The following THADA variants were observed in gnomAD, a reference collection of about 807,000 sequenced individuals.
The protein encoded by THADA is tRNA (32-2'-O)-methyltransferase regulator THADA.
THADA carries 213 observed loss-of-function variants against 219.8 expected under a neutral mutation model. The ratio of observed to expected loss-of-function variants is 0.97; its 90% CI spans 0.87 to 1.09. The LOEUF is 1.09. THADA is among the 50% of genes least tolerant of loss of function. The probability of loss-of-function intolerance (pLI) is 0.00; values close to 1 mark genes in which losing one functional copy is unlikely to be tolerated. For synonymous variants in THADA, 1,018 were observed against 828.9 expected, an observed-to-expected ratio of 1.23 and a Z score of -3.92; for missense variants, 2,956 against 2,311.3, an observed-to-expected ratio of 1.28 and a Z score of -5.72.
chr2:43,586,834 C>A lies in THADA; in HGVS notation c.451+20G>T. ...TGAGAGGGGTTAGCCAGAAAAAGGA[C>A]TAGAAAAGTGCAGCCTTACCCAAGT... On this transcript the variant is annotated intron_variant, in intron 5 of 37. Transcript: ENST00000405975. 1 of 1,612,450 alleles carries A rather than the reference C, an allele frequency of 6.2e-7. No individual in the cohort carries two copies. The highest frequency in any genetic ancestry group is 8.5e-7 in the Non-Finnish European group (1 of 1,179,334).
At chr2:43,476,328 C>T (rs1685543960) in intron 26 of THADA, among the ~76,000 whole-genome samples, 1 of 152,174 alleles carries the variant, frequency 6.6e-6, no homozygotes. Context: ...ATGGCTGGAA[C>T]TGAAGCCATC....
At chr2:43,278,144 T>G (rs1202268953) in intron 36 of THADA, among the ~76,000 whole-genome samples, 1 of 151,948 alleles carries the variant, frequency 6.6e-6, no homozygotes, top group African/African-American at 2.4e-5. Flanking sequence ...AGAGATGGGG[T>G]TTCACCATAT....
chr2:43,585,577 T>TAGATAGAA (rs1553505551), intron 7 of THADA, among the ~76,000 whole-genome samples: 3,864 of 135,112 alleles, frequency 0.029, 62 homozygotes, highest in African/African-American at 0.051. Flanking sequence ...GATAGATAGA[T>TAGATAGAA]AGAAAGAAAT....
At chr2:43,535,675 C>T (rs1401315577) in intron 21 of THADA, among the ~76,000 whole-genome samples, 48 of 30,368 alleles carry the variant, frequency 1.6e-3, no homozygotes, top group Non-Finnish European at 2.7e-3. Flanking sequence ...CAGCGAGACT[C>T]AAAAAAAAAA....
At chr2:43,480,002 C>T (rs749629060) in intron 26 of THADA, among the ~76,000 whole-genome samples, 2 of 152,176 alleles carry the variant, frequency 1.3e-5, no homozygotes, top group Non-Finnish European at 2.9e-5. Context: ...GGTGAAGTGG[C>T]TAATTTCCCA....
Position 43,269,094 on chromosome 2 carries a change from G to A in THADA, c.5296+10671C>T, listed in dbSNP as rs371929182. 7.2e-5 allele frequency among the ~76,000 whole-genome samples: 11 copies of A among 152,320 alleles called. No homozygotes were observed. In the East Asian group the frequency reaches 1.3e-3, roughly 19 times the overall value. ...GAAAGCGAAAGTTCCTGAGGAAAAG[G>A]AAAGCACAGAAGAGGAGAGCCGAGG... On this transcript the variant is annotated intron_variant, in intron 36 of 37. Coordinates refer to ENST00000405975, the MANE Select transcript of THADA (RefSeq NM_022065.5).
chr2:43,324,097 G>A (rs1679054439), intron 30 of THADA, among the ~76,000 whole-genome samples: 2 of 152,132 alleles, frequency 1.3e-5, no homozygotes, highest in African/African-American at 4.8e-5. Context: ...GGTTTTCTGT[G>A]GAGCCATACA....
chr2:43,553,981 G>A (rs1344954961), intron 17 of THADA, among the ~76,000 whole-genome samples: 1 of 152,134 alleles, frequency 6.6e-6, no homozygotes, highest in African/African-American at 2.4e-5. Context: ...CCTTTTATTA[G>A]TGAGTTGTAC....
intron 36 of THADA, among the ~76,000 whole-genome samples, chr2:43,261,974 G>A (rs1572821955): frequency 1.3e-5 from 2 of 152,244 alleles, no homozygotes; most frequent in South Asian, 2.1e-4. Context: ...GCTTTGCCAC[G>A]TTAGCAAGGC....
chr2:43,388,331 G>T (rs886194241), intron 29 of THADA, among the ~76,000 whole-genome samples: 10 of 152,114 alleles, frequency 6.6e-5, no homozygotes, highest in Admixed American at 6.5e-4. Context: ...AATTTTTAAA[G>T]TATATTCAGA....
chr2:43,464,025 G>C (rs1476980993), intron 26 of THADA, among the ~76,000 whole-genome samples: 3 of 152,216 alleles, frequency 2.0e-5, no homozygotes, highest in East Asian at 3.9e-4. Flanking sequence ...TTATAAGGTA[G>C]TATATTTTAT....
Position 43,574,344 on chromosome 2 carries a change from G to T in THADA, c.1721C>A (p.Ala574Asp), listed in dbSNP as rs190809237. The change falls in exon 11 of 38, where the codon GCT becomes GAT. Residue 574 changes from alanine (A) to aspartate (D), a missense_variant. Physicochemically the swap from Ala to Asp is moderately radical, Grantham distance 126. Coordinates refer to ENST00000405975, the MANE Select transcript of THADA (RefSeq NM_022065.5). ...AAATGCATTTTTCTTACCAGTTTTA[G>T]CATCAATAGAAGTCTGAAGAATCTT... ...MVKILQTSID[A>D]KTGQEQSFPS... 7.1e-6 allele frequency: 11 copies of T among 1,554,202 alleles called. No homozygotes were observed. In the African/African-American group the frequency reaches 1.5e-4, roughly 21 times the overall value.
At chr2:43,443,990 C>T (rs1573676800) in intron 26 of THADA, among the ~76,000 whole-genome samples, 1 of 152,152 alleles carries the variant, frequency 6.6e-6, no homozygotes, top group Non-Finnish European at 1.5e-5. Flanking sequence ...AACAGGTCAG[C>T]AACAGAGGTT....
chr2:43,285,615 G>A (rs1208043949), intron 35 of THADA, among the ~76,000 whole-genome samples: 2 of 151,104 alleles, frequency 1.3e-5, no homozygotes, highest in Non-Finnish European at 2.9e-5. Flanking sequence ...CCAGACTGGA[G>A]TGCAATGGCG....
chr2:43,459,760 G>A (rs541167306), intron 26 of THADA, among the ~76,000 whole-genome samples: 47 of 152,264 alleles, frequency 3.1e-4, no homozygotes, highest in Non-Finnish European at 5.4e-4. Context: ...TCAGAGTCTG[G>A]CCCAAGCTTC....
chr2:43,262,860 T>C (rs1671115656), intron 36 of THADA, among the ~76,000 whole-genome samples: 1 of 152,210 alleles, frequency 6.6e-6, no homozygotes, highest in African/African-American at 2.4e-5. Context: ...CAGAATCTCA[T>C]TTTGACAAGA....
rs562894489 is a variant in THADA at position 43,467,405 on chromosome 2, T to C, written c.3836+17829A>G. 5.3e-5 allele frequency among the ~76,000 whole-genome samples: 8 copies of C among 152,186 alleles called. No individual in the cohort carries two copies. In the South Asian group the frequency reaches 1.7e-3, roughly 32 times the overall value. Reference sequence around the variant, plus strand: ...AAGGGACAATAATACTTACTGAGTATCACTACCAGGAATACAGGACATAGT... The same window carrying C: ...AAGGGACAATAATACTTACTGAGTACCACTACCAGGAATACAGGACATAGT... On this transcript the variant is annotated intron_variant, in intron 26 of 37. Transcript: ENST00000405975.
intron 21 of THADA, among the ~76,000 whole-genome samples, chr2:43,533,539 C>T (rs1694162515): frequency 6.6e-6 from 1 of 152,196 alleles, no homozygotes; most frequent in South Asian, 2.1e-4. Context: ...CACATATACA[C>T]CATGGAATAC....
In THADA at chr2:43,578,544, ATAGTCT is replaced by A. The variant is rs1559012588; in HGVS notation, c.779_784del (p.Lys260_Thr261del). On this transcript the variant is annotated inframe_deletion, in exon 9 of 38. Coordinates refer to ENST00000405975, the MANE Select transcript of THADA (RefSeq NM_022065.5). ...AGGAATCTTTTCAGACGGGTGAAAC[ATAGTCT>A]TAATAAAAAGAATAATAGCTAATCC... 1.2e-6 allele frequency: 2 copies of A among 1,612,814 alleles called. No homozygotes were observed.
Sources: gnomAD v4.1 joint callset for allele counts (sites outside exome capture counted in the v4.1 genomes callset) on GRCh38, gnomAD v4.1.1 for gene constraint, MANE v1.5 for transcripts, NCBI Gene and HGNC (gene_info 2026-07-23, HGNC 2026-07-21) for gene names.